The following ME3 variants were observed in gnomAD, a reference collection of about 807,000 sequenced individuals.
ME3 encodes malic enzyme 3.
ME3 carries 48 observed loss-of-function variants against 68.9 expected under a neutral mutation model. The observed-to-expected ratio is 0.70, with a 90% CI of 0.55 to 0.89. The LOEUF is 0.89. ME3 is among the 40% of genes least tolerant of loss of function. The probability of loss-of-function intolerance (pLI) is 0.00; values close to 1 mark genes in which losing one functional copy is unlikely to be tolerated. For missense variants in ME3, 675 were observed against 797.4 expected, an observed-to-expected ratio of 0.85 and a Z score of 1.85; for synonymous variants, 320 against 318.8, an observed-to-expected ratio of 1.00 and a Z score of -0.04.
At chr11:86,467,228 T>TA (rs1555203931) in intron 7 of ME3, among the ~76,000 whole-genome samples, 12 of 152,178 alleles carry the variant, frequency 7.9e-5, no homozygotes, top group Non-Finnish European at 1.5e-5. Flanking sequence ...AATACAGTAT[T>TA]ACTAACTGAA....
chr11:86,462,398 G>C (rs529736042), intron 8 of ME3, among the ~76,000 whole-genome samples: 1 of 152,268 alleles, frequency 6.6e-6, no homozygotes, highest in African/African-American at 2.4e-5. Flanking sequence ...TCAACAGTAG[G>C]CTATTAGTAG....
chr11:86,497,495 G>A (rs1185256967), intron 6 of ME3, among the ~76,000 whole-genome samples: 2 of 152,162 alleles, frequency 1.3e-5, no homozygotes, highest in Non-Finnish European at 2.9e-5. Flanking sequence ...GCTTGGCTCA[G>A]TTTCTCTCAC....
At chr11:86,471,437 ACCT>A (rs1413400641) in intron 7 of ME3, among the ~76,000 whole-genome samples, 2 of 150,354 alleles carry the variant, frequency 1.3e-5, no homozygotes, top group African/African-American at 2.4e-5. Context: ...TTAAACTGTA[ACCT>A]CTTTTAAGAA....
chr11:86,624,007 T>C (rs1943507570), intron 2 of ME3, among the ~76,000 whole-genome samples: 1 of 152,174 alleles, frequency 6.6e-6, no homozygotes, highest in African/African-American at 2.4e-5. Context: ...ACCAGGAGTA[T>C]CCACCTAACT....
intron 4 of ME3, among the ~76,000 whole-genome samples, chr11:86,519,651 A>C (rs979047099): frequency 3.3e-5 from 5 of 152,218 alleles, no homozygotes; most frequent in Non-Finnish European, 7.3e-5. Context: ...ACCATTCCAC[A>C]TATTTTTTGG....
the ME3 span, chr11:86,435,926 C>T: frequency 5.3e-5 from 8 of 152,224 alleles, no homozygotes; most frequent in East Asian, 1.3e-3. Flanking sequence ...GTGAAGCATT[C>T]ACCTTCAGTC....
chr11:86,450,199 T>C (rs1383960795), intron 9 of ME3, 102 bp downstream of exon 9: 24 of 1,174,290 alleles, frequency 2.0e-5, no homozygotes, highest in Non-Finnish European at 2.7e-5. Flanking sequence ...TCTGTGCTGC[T>C]TCCTCTTTTC....
intron 2 of ME3, among the ~76,000 whole-genome samples, chr11:86,657,595 T>C (rs563542277): frequency 6.6e-5 from 10 of 152,134 alleles, no homozygotes; most frequent in East Asian, 1.9e-4. Context: ...ATTCTGCACG[T>C]GTATCCCAGA....
In ME3 at chr11:86,559,616, A is replaced by G. The variant is rs1957100218; in HGVS notation, c.317+74T>C. On this transcript the variant is annotated intron_variant, in intron 3 of 14. Coordinates refer to ENST00000543262, the Ensembl canonical transcript of ME3. ...TTTTTAGCTGGAGAGTTTCCAGAAA[A>G]CCCTCTGTGAAGCACAGGAAACAGA... 4 of 1,481,410 alleles carry G rather than the reference A, an allele frequency of 2.7e-6. No homozygotes were observed. In the East Asian group the frequency reaches 9.5e-5, roughly 35 times the overall value. 91.8% of individuals were successfully genotyped at this position (1,481,410 alleles called of 1,614,324 possible). A position where few individuals can be genotyped will look rare whatever the true frequency, so the allele number is the denominator to read the frequency against.
chr11:86,656,711 C>T (rs1486349718), intron 2 of ME3, among the ~76,000 whole-genome samples: 1 of 151,998 alleles, frequency 6.6e-6, no homozygotes, highest in Non-Finnish European at 1.5e-5. Context: ...AACAAACCTG[C>T]ACGTTGTGCA....
chr11:86,533,619 A>G (rs536958416), intron 4 of ME3, among the ~76,000 whole-genome samples: 52 of 152,314 alleles, frequency 3.4e-4, no homozygotes, highest in African/African-American at 1.3e-3. Flanking sequence ...AGAGGAGGAA[A>G]TACTTCCAAA....
At chr11:86,605,863 A>G (rs1321659554) in intron 2 of ME3, among the ~76,000 whole-genome samples, 3 of 150,784 alleles carry the variant, frequency 2.0e-5, no homozygotes, top group Non-Finnish European at 4.4e-5. Context: ...TCCACTTTAA[A>G]CCCCTGCCTC....
In ME3 at chr11:86,538,095, A is replaced by C. The variant is rs112903920; in HGVS notation, c.467+18458T>G. ...GAGACTGATGCACATAGACTCCTGC[A>C]GATACCTGTTGCTGATTTCATTCAC... On this transcript the variant is annotated intron_variant, in intron 4 of 14. Transcript: ENST00000543262. 6.3e-3 allele frequency among the ~76,000 whole-genome samples: 961 copies of C among 152,356 alleles called. 10 individuals carry two copies. Among genetic ancestry groups the C allele is most frequent in the African/African-American group, 0.02 (842 of 41,578 alleles).
chr11:86,634,054 C>T (rs1944181466), intron 2 of ME3, among the ~76,000 whole-genome samples: 1 of 152,122 alleles, frequency 6.6e-6, no homozygotes, highest in Non-Finnish European at 1.5e-5. Context: ...TCCCCAAATC[C>T]CTCCCAAAAT....
At position 86,663,437 on chromosome 11, in the gene ME3, A is replaced by G. The variant is rs61904317; in HGVS notation, c.183+8325T>C. Among the ~76,000 whole-genome samples, 930 of 152,220 alleles carry G rather than the reference A, an allele frequency of 6.1e-3. 6 individuals are homozygous for G. The highest frequency in any genetic ancestry group is 0.011 in the Non-Finnish European group (741 of 67,998). On this transcript the variant is annotated intron_variant, in intron 2 of 14. Coordinates refer to ENST00000543262, the Ensembl canonical transcript of ME3. ...TTAACCACTGACCTCGGCACACCCA[A>G]CTGTAGGATATCCATCACATTTTCC... is the stretch of plus-strand genomic sequence containing the variant.
intron 2 of ME3, among the ~76,000 whole-genome samples, chr11:86,572,159 C>G (rs1275688421): frequency 2.7e-4 from 41 of 152,230 alleles, no homozygotes; most frequent in Admixed American, 2.7e-3. Flanking sequence ...ACTAGCACGT[C>G]TCACAGCTGG....
intron 2 of ME3, among the ~76,000 whole-genome samples, chr11:86,653,082 C>G (rs976658808): frequency 6.6e-6 from 1 of 152,106 alleles, no homozygotes; most frequent in African/African-American, 2.4e-5. Context: ...CAGGAGCACC[C>G]AGATTCATAA....
chr11:86,651,692 GC>G (rs1945443208), intron 2 of ME3, among the ~76,000 whole-genome samples: 1 of 152,200 alleles, frequency 6.6e-6, no homozygotes, highest in African/African-American at 2.4e-5. Context: ...GAGCACCTCT[GC>G]CCCTTCAAAG....
chr11:86,472,610 C>T (rs1224714630), intron 7 of ME3, among the ~76,000 whole-genome samples: 1 of 152,192 alleles, frequency 6.6e-6, no homozygotes, highest in Non-Finnish European at 1.5e-5. Flanking sequence ...GTGGCTCCAT[C>T]ACTTACTAAA....
Sources: allele counts gnomAD v4.1 joint callset (sites outside exome capture counted in the v4.1 genomes callset), GRCh38; gene constraint gnomAD v4.1.1; transcripts MANE v1.5; gene names NCBI Gene and HGNC (gene_info 2026-07-23, HGNC 2026-07-21).